Variants in SLC10A7 observed in about 807,000 individuals in gnomAD.
SLC10A7 encodes the protein solute carrier family 10 member 7, also known as sodium/bile acid cotransporter 7.
A neutral mutation model predicts 43.2 loss-of-function variants in SLC10A7; 29 were observed. The observed-to-expected ratio is 0.67, with a 90% CI of 0.50 to 0.92. SLC10A7 has a LOEUF of 0.92. SLC10A7 is among the 40% of genes least tolerant of loss of function. SLC10A7 has a pLI of 0.00. For missense variants in SLC10A7, 295 were observed against 403.2 expected, an observed-to-expected ratio of 0.73 and a Z score of 2.30; for synonymous variants, 152 against 144.8, an observed-to-expected ratio of 1.05 and a Z score of -0.35.
chr4:146,407,366 C>T (rs533187550), intron 5 of SLC10A7, among the ~76,000 whole-genome samples: 76 of 152,304 alleles, frequency 5.0e-4, no homozygotes, highest in South Asian at 2.1e-3. Flanking sequence ...TTCCTTGTAT[C>T]CCATTGTTGC....
chr4:146,370,237 T>C (rs1342562434), intron 5 of SLC10A7, among the ~76,000 whole-genome samples: 1 of 152,164 alleles, frequency 6.6e-6, no homozygotes, highest in Non-Finnish European at 1.5e-5. Context: ...AACAAATTCC[T>C]TTCTGGCATA....
chr4:146,508,682 T>G (rs1159270767), intron 3 of SLC10A7, among the ~76,000 whole-genome samples: 1 of 152,176 alleles, frequency 6.6e-6, no homozygotes, highest in East Asian at 1.9e-4. Flanking sequence ...TGGCACACAT[T>G]CATTCCTCTC....
intron 5 of SLC10A7, among the ~76,000 whole-genome samples, chr4:146,399,029 G>A (rs1739032957): frequency 1.3e-5 from 2 of 152,204 alleles, no homozygotes; most frequent in African/African-American, 2.4e-5. Context: ...TAGCTGATAA[G>A]AGAATAAACA....
intron 5 of SLC10A7, among the ~76,000 whole-genome samples, chr4:146,355,246 CT>C (rs1338483345): frequency 1.3e-5 from 2 of 152,134 alleles, no homozygotes; most frequent in Admixed American, 1.3e-4. Flanking sequence ...ACAGACACTT[CT>C]CAAAAGAAGA....
At chr4:146,318,337 GTCT>G (rs1732467651) in intron 6 of SLC10A7, among the ~76,000 whole-genome samples, 1 of 152,126 alleles carries the variant, frequency 6.6e-6, no homozygotes, top group East Asian at 1.9e-4. Context: ...AATGACCTCT[GTCT>G]TCTTAAAACC....
chr4:146,286,628 G>A (rs1000742980), intron 9 of SLC10A7, among the ~76,000 whole-genome samples: 10 of 144,612 alleles, frequency 6.9e-5, no homozygotes, highest in South Asian at 5.0e-4. Context: ...GAGAAGGACC[G>A]TGTCTGGAGT....
intron 4 of SLC10A7, among the ~76,000 whole-genome samples, chr4:146,455,850 C>T (rs1176062579): frequency 6.6e-6 from 1 of 151,842 alleles, no homozygotes; most frequent in African/African-American, 2.4e-5. Flanking sequence ...TAAGTTCTTT[C>T]CTTTTCTGAC....
chr4:146,292,787 G>A, intron 9 of SLC10A7, 142 bp downstream of exon 9: 1 of 570,792 alleles, frequency 1.8e-6, no homozygotes, highest in Non-Finnish European at 3.0e-6. Flanking sequence ...TGGCAGAAGG[G>A]AGGCAGAATG....
intron 5 of SLC10A7, among the ~76,000 whole-genome samples, chr4:146,369,421 G>A (rs1736616011): frequency 6.6e-6 from 1 of 152,158 alleles, no homozygotes; most frequent in Non-Finnish European, 1.5e-5. Context: ...ACAAATATAT[G>A]TAAACATAAA....
Position 146,517,032 on chromosome 4 carries a change from C to T in SLC10A7, c.183+6G>A, listed in dbSNP as rs1333961393. 6.3e-7 allele frequency: 1 copy of T among 1,586,054 alleles called. No individual in the cohort carries two copies. Reference sequence around the variant, plus strand: ...TGCTTTTCATGTGTCCCATAGATGACAGTACCTCTGTTTTCAATGATAGTC... The same window carrying T: ...TGCTTTTCATGTGTCCCATAGATGATAGTACCTCTGTTTTCAATGATAGTC... On this transcript the variant is annotated splice_donor_region_variant and intron_variant, in intron 2 of 11. Coordinates refer to ENST00000335472, the MANE Select transcript of SLC10A7 (RefSeq NM_001029998.6).
At chr4:146,350,459 G>C (rs1734988647) in intron 5 of SLC10A7, among the ~76,000 whole-genome samples, 1 of 141,144 alleles carries the variant, frequency 7.1e-6, no homozygotes, top group African/African-American at 2.7e-5. Flanking sequence ...TGGGGGAGGG[G>C]CGCCCGCCAT....
intron 4 of SLC10A7, among the ~76,000 whole-genome samples, chr4:146,495,890 T>C (rs1340720651): frequency 6.6e-6 from 1 of 152,088 alleles, no homozygotes; most frequent in Non-Finnish European, 1.5e-5. Flanking sequence ...GAATTCAGCA[T>C]GACTATCAAA....
chr4:146,256,751 TC>T, intron 11 of SLC10A7: 1 of 1,216,930 alleles, frequency 8.2e-7, no homozygotes, highest in Non-Finnish European at 1.2e-6. Context: ...CTCGTATGGT[TC>T]CCCTGTGCAC....
chr4:146,425,439 T>C (rs1473686557), intron 5 of SLC10A7, among the ~76,000 whole-genome samples: 16 of 152,212 alleles, frequency 1.1e-4, no homozygotes, highest in Admixed American at 8.5e-4. Context: ...ATACCTAAAA[T>C]GTGGCTAGTG....
At chr4:146,382,903 TTA>T (rs1737732456) in intron 5 of SLC10A7, among the ~76,000 whole-genome samples, 1 of 151,880 alleles carries the variant, frequency 6.6e-6, no homozygotes, top group Admixed American at 6.6e-5. Flanking sequence ...TGAGATAGAA[TTA>T]TATCAGTATT....
At chr4:146,462,870 T>C (rs1435429556) in intron 4 of SLC10A7, among the ~76,000 whole-genome samples, 2 of 152,020 alleles carry the variant, frequency 1.3e-5, no homozygotes, top group African/African-American at 2.4e-5. Context: ...TAAAAAAAAA[T>C]CACCTGTGAA....
chr4:146,306,817 A>G (rs1731610570), intron 6 of SLC10A7, among the ~76,000 whole-genome samples: 2 of 152,182 alleles, frequency 1.3e-5, no homozygotes, highest in South Asian at 2.1e-4. Context: ...CTGGACAAAC[A>G]ATAGATGTTT....
At chr4:146,419,210 C>T (rs1335916887) in intron 5 of SLC10A7, among the ~76,000 whole-genome samples, 2 of 152,062 alleles carry the variant, frequency 1.3e-5, no homozygotes, top group Non-Finnish European at 2.9e-5. Flanking sequence ...ACCTTCAGCC[C>T]AGGAGGTTGG....
intron 2 of SLC10A7, among the ~76,000 whole-genome samples, chr4:146,515,901 T>G (rs1436008556): frequency 1.2e-4 from 11 of 93,992 alleles, no homozygotes; most frequent in Non-Finnish European, 1.9e-4. Context: ...CAGAGTGAGA[T>G]TCCATCTCAA....
Sources: allele counts gnomAD v4.1 joint callset (sites outside exome capture counted in the v4.1 genomes callset), GRCh38; gene constraint gnomAD v4.1.1; transcripts MANE v1.5; gene names NCBI Gene and HGNC (gene_info 2026-07-23, HGNC 2026-07-21).